The following MAPDA variants were observed in gnomAD, a reference collection of about 807,000 sequenced individuals.
MAPDA encodes N6-Methyl-AMP deaminase, also known as N6,N6-dimethyl-AMP deaminase.
At chr15:43,345,838 C>T in the MAPDA span, 24 of 1,613,822 alleles carry the variant, frequency 1.5e-5, no homozygotes, top group African/African-American at 2.9e-4. Context: ...TCAACTCTGT[C>T]TTTCTTACAT....
the MAPDA span, chr15:43,351,770 T>G: frequency 6.5e-7 from 1 of 1,549,200 alleles, no homozygotes; most frequent in Non-Finnish European, 8.7e-7. Flanking sequence ...AAGGGTGTTT[T>G]TGCAACACAC....
the MAPDA span, among the ~76,000 whole-genome samples, chr15:43,344,885 A>G: frequency 6.6e-6 from 1 of 151,968 alleles, no homozygotes; most frequent in Non-Finnish European, 1.5e-5. Flanking sequence ...ATATTTGAGG[A>G]ATGAACTTTT....
chr15:43,341,159 GT>G, the MAPDA span, among the ~76,000 whole-genome samples: 1 of 152,130 alleles, frequency 6.6e-6, no homozygotes, highest in Non-Finnish European at 1.5e-5. Context: ...AGGTCATCTT[GT>G]TTCCTGATAT....
the MAPDA span, among the ~76,000 whole-genome samples, chr15:43,347,510 G>A: frequency 6.6e-6 from 1 of 152,168 alleles, no homozygotes; most frequent in East Asian, 1.9e-4. Context: ...ATTTTTCAAA[G>A]CCCAGCAAAG....
chr15:43,343,539 A>G, the MAPDA span, among the ~76,000 whole-genome samples: 105 of 152,282 alleles, frequency 6.9e-4, no homozygotes, highest in African/African-American at 2.4e-3. Flanking sequence ...CTCATTATTC[A>G]GATCTCAATT....
At chr15:43,340,286 G>T in the MAPDA span, 3 of 1,613,906 alleles carry the variant, frequency 1.9e-6, no homozygotes, top group Non-Finnish European at 2.5e-6. Flanking sequence ...TGTCATAAAA[G>T]AATTTGCAGA....
At chr15:43,344,718 A>G in the MAPDA span, among the ~76,000 whole-genome samples, 71 of 151,158 alleles carry the variant, frequency 4.7e-4, 1 homozygote, top group Non-Finnish European at 5.9e-5. Context: ...CTGAGGCAGA[A>G]TTGCTTGAAC....
At chr15:43,335,215 T>C in the MAPDA span, 1 of 1,588,830 alleles carries the variant, frequency 6.3e-7, no homozygotes, top group African/African-American at 1.3e-5. Context: ...CTAATTATAA[T>C]GACTTTGATG....
the MAPDA span, among the ~76,000 whole-genome samples, chr15:43,350,074 T>C: frequency 6.6e-6 from 1 of 152,016 alleles, no homozygotes; most frequent in Non-Finnish European, 1.5e-5. Flanking sequence ...AGTCACTCTT[T>C]TTTTTGGGGG....
At chr15:43,351,068 G>C in the MAPDA span, 1 of 1,531,398 alleles carries the variant, frequency 6.5e-7, no homozygotes, top group Non-Finnish European at 8.9e-7. Flanking sequence ...GAAGTATTTT[G>C]CTCCTTTTTG....
chr15:43,340,377 T>A, the MAPDA span: 1 of 1,584,676 alleles, frequency 6.3e-7, no homozygotes, highest in Non-Finnish European at 8.7e-7. Context: ...TCTCAGCAAA[T>A]GTACTGTCCT....
the MAPDA span, among the ~76,000 whole-genome samples, chr15:43,345,157 A>C: frequency 1.5e-3 from 231 of 152,190 alleles, no homozygotes; most frequent in African/African-American, 5.2e-3. Context: ...GATCGAGACC[A>C]TCTTGGCTAA....
chr15:43,345,750 G>T, the MAPDA span: 1 of 1,376,042 alleles, frequency 7.3e-7, no homozygotes, highest in Non-Finnish European at 1.0e-6. Context: ...TTTTCCTAGT[G>T]AGATGTATTA....
chr15:43,334,657 ATATATATT>A, the MAPDA span, among the ~76,000 whole-genome samples: 1 of 105,558 alleles, frequency 9.5e-6, no homozygotes, highest in African/African-American at 4.0e-5. Context: ...ATATATATAT[ATATATATT>A]TTATCCAAAG....
chr15:43,330,699 T>A, the MAPDA span: 1 of 486,602 alleles, frequency 2.1e-6, no homozygotes, highest in Non-Finnish European at 3.6e-6. Context: ...CGCTTGCGGC[T>A]GACCTTTCTT....
At chr15:43,335,476 G>A in the MAPDA span, among the ~76,000 whole-genome samples, 1 of 152,208 alleles carries the variant, frequency 6.6e-6, no homozygotes, top group Non-Finnish European at 1.5e-5. Context: ...GGAGGTTACA[G>A]TGAGCTGAGA....
the MAPDA span, among the ~76,000 whole-genome samples, chr15:43,348,570 GTTTTA>G: frequency 3.9e-5 from 6 of 152,228 alleles, no homozygotes; most frequent in South Asian, 6.2e-4. Flanking sequence ...GAGTTGTGAA[GTTTTA>G]TTTTTTGAAA....
chr15:43,342,403 T>C, the MAPDA span, among the ~76,000 whole-genome samples: 1 of 149,842 alleles, frequency 6.7e-6, no homozygotes, highest in South Asian at 2.1e-4. Context: ...GAATCCAAGT[T>C]AGGACTTTTT....
chr15:43,335,574 C>T, the MAPDA span: 2 of 1,141,818 alleles, frequency 1.8e-6, no homozygotes, highest in Non-Finnish European at 2.4e-6. Flanking sequence ...AATTTGTAAA[C>T]TTTATTATGT....
Sources: gnomAD v4.1 joint callset for allele counts (sites outside exome capture counted in the v4.1 genomes callset) on GRCh38, gnomAD v4.1.1 for gene constraint, MANE v1.5 for transcripts, NCBI Gene and HGNC (gene_info 2026-07-23, HGNC 2026-07-21) for gene names.